The following PAX8 variants were observed in gnomAD, a reference collection of about 807,000 sequenced individuals.
The protein encoded by PAX8 is paired box 8, also known as paired box protein Pax-8.
PAX8 carries 15 observed loss-of-function variants against 52.4 expected under a neutral mutation model. The ratio of observed to expected loss-of-function variants is 0.29; its 90% CI spans 0.19 to 0.44. PAX8 has a LOEUF of 0.44. PAX8 is among the 20% of genes least tolerant of loss of function. The probability of loss-of-function intolerance (pLI) is 1.00; values close to 1 mark genes in which losing one functional copy is unlikely to be tolerated. For synonymous variants in PAX8, 284 were observed against 249.7 expected (o/e 1.14, Z -1.29); for missense variants, 554 against 602.5 (o/e 0.92, Z 0.84).
intron 2 of PAX8, among the ~76,000 whole-genome samples, chr2:113,262,712 G>T (rs943638055): frequency 6.6e-6 from 1 of 152,188 alleles, no homozygotes; most frequent in Non-Finnish European, 1.5e-5. Context: ...TTTGGATACA[G>T]AGATAAAGTG....
At chr2:113,269,665 A>G (rs1025470030) in intron 2 of PAX8, 6 of 152,240 alleles carry the variant, frequency 3.9e-5, no homozygotes, top group Admixed American at 3.9e-4. Context: ...ATTATTACCC[A>G]AAGTAGAAAA....
rs1558704390 is a variant in PAX8 at position 113,236,840 on chromosome 2, G to GGAGAGGTCCTCATCT, written c.778-120_778-119insAGATGAGGACCTCTC. On this transcript the variant is annotated intron_variant, in intron 7 of 11. Transcript: ENST00000429538. The stretch of plus-strand genomic sequence containing the variant: ...CATCTCCCCAGGAGAGGTCCTCATC[G>GGAGAGGTCCTCATCT]CCCCCTTCTTCCTTTACGTTCTCAA... 566 of 1,133,288 alleles carry GGAGAGGTCCTCATCT rather than the reference G, an allele frequency of 5.0e-4. 4 individuals are homozygous for GGAGAGGTCCTCATCT. Among genetic ancestry groups the GGAGAGGTCCTCATCT allele is most frequent in the Non-Finnish European group, 1.0e-4 (82 of 817,310 alleles). The allele number at this position is 1,133,288 out of a possible 1,614,324, so 70.2% of individuals were successfully genotyped here.
chr2:113,246,671 G>T, intron 3 of PAX8, 83 bp downstream of exon 3: 6 of 1,459,898 alleles, frequency 4.1e-6, no homozygotes, highest in Non-Finnish European at 5.7e-6. Flanking sequence ...TTCCCTGGGA[G>T]GGGAATTCTC....
chr2:113,261,586 C>G (rs967591694), intron 2 of PAX8, among the ~76,000 whole-genome samples: 1 of 152,172 alleles, frequency 6.6e-6, no homozygotes, highest in African/African-American at 2.4e-5. Flanking sequence ...GGCAGAGTTG[C>G]AAGGCACACT....
chr2:113,226,169 T>C, intron 10 of PAX8: 1 of 984,956 alleles, frequency 1.0e-6, no homozygotes, highest in Non-Finnish European at 1.2e-6. Context: ...GTGCCCAGAG[T>C]GGGTGGCTGG....
At chr2:113,234,032 T>C (rs1242643040) in intron 9 of PAX8, among the ~76,000 whole-genome samples, 1 of 152,088 alleles carries the variant, frequency 6.6e-6, no homozygotes, top group African/African-American at 2.4e-5. Context: ...GTGTGGGAGG[T>C]GAAGAGGCAT....
At chr2:113,230,353 T>C (rs1293388522) in intron 9 of PAX8, among the ~76,000 whole-genome samples, 9 of 152,002 alleles carry the variant, frequency 5.9e-5, no homozygotes, top group African/African-American at 2.2e-4. Context: ...GCAGGCAGAG[T>C]TCCAGGGCAT....
chr2:113,259,525 T>A (rs1394570338), intron 2 of PAX8: 1 of 152,650 alleles, frequency 6.6e-6, no homozygotes, highest in Non-Finnish European at 1.5e-5. Context: ...AGAGCAGTGC[T>A]TTCCTCCTCC....
intron 2 of PAX8, among the ~76,000 whole-genome samples, chr2:113,251,701 T>C (rs149947982): frequency 1.0e-3 from 152 of 152,314 alleles, no homozygotes; most frequent in African/African-American, 3.4e-3. Flanking sequence ...TTCTTCATCC[T>C]TTATAGAGCT....
chr2:113,217,789 C>T lies in PAX8; in HGVS notation c.*744G>A, dbSNP rs576682095. On this transcript the variant is annotated 3_prime_UTR_variant, in exon 12 of 12. Transcript: ENST00000429538. ...CCTGTGGAATGTCTGTTTTAAGCTC[C>T]CTGGGGCTGGCCTGGCTGACGGCAG... is the stretch of plus-strand genomic sequence containing the variant. 4.3e-6 allele frequency: 1 copy of T among 233,550 alleles called. No individual in the cohort carries two copies. Among genetic ancestry groups the T allele is most frequent in the African/African-American group, 2.2e-5 (1 of 45,436 alleles). The allele number at this position is 233,550 out of a possible 1,614,324, so 14.5% of individuals were successfully genotyped here.
intron 11 of PAX8, among the ~76,000 whole-genome samples, chr2:113,218,835 C>T (rs886847195): frequency 6.6e-6 from 1 of 152,182 alleles, no homozygotes; most frequent in African/African-American, 2.4e-5. Context: ...CTTGCCCCTT[C>T]CCCCTATGGC....
intron 7 of PAX8, chr2:113,240,357 A>G (rs956564837): frequency 1.3e-5 from 2 of 152,298 alleles, no homozygotes; most frequent in Non-Finnish European, 2.9e-5. Context: ...AGCAGCCCAG[A>G]CGGTCACTGG....
At chr2:113,256,583 C>T (rs909517390) in intron 2 of PAX8, among the ~76,000 whole-genome samples, 2 of 148,694 alleles carry the variant, frequency 1.3e-5, no homozygotes, top group Non-Finnish European at 3.0e-5. Flanking sequence ...TATATATATA[C>T]ATATTCCATA....
Position 113,218,369 on chromosome 2 carries a change from G to C in PAX8, c.*164C>G, listed in dbSNP as rs559241804. 6.2e-6 allele frequency: 3 copies of C among 480,952 alleles called. No individual in the cohort carries two copies. The highest frequency in any genetic ancestry group is 5.9e-5 in the African/African-American group (3 of 50,828). 29.8% of individuals were successfully genotyped at this position (480,952 alleles called of 1,614,324 possible). On this transcript the variant is annotated 3_prime_UTR_variant, in exon 12 of 12. Transcript: ENST00000429538. Reference sequence around the variant, plus strand: ...GTTTGGCCTTGTCCAAGGTCATCCTGTCTTTCATGGTTCATTAAATTAACC... The same window carrying C: ...GTTTGGCCTTGTCCAAGGTCATCCTCTCTTTCATGGTTCATTAAATTAACC...
At chr2:113,250,618 G>A (rs1691688049) in intron 2 of PAX8, 1 of 152,218 alleles carries the variant, frequency 6.6e-6, no homozygotes, top group Admixed American at 6.5e-5. Context: ...CACTGGTTTA[G>A]GCCAGGTGAT....
chr2:113,236,719 G>A lies in PAX8; in HGVS notation c.780C>T (p.Gly260=), dbSNP rs202100430. 5.1e-6 allele frequency: 8 copies of A among 1,561,176 alleles called. No homozygotes were observed. Among genetic ancestry groups the A allele is most frequent in the Non-Finnish European group, 6.9e-6 (8 of 1,153,802 alleles). Residue 260 remains glycine (G), a splice_region_variant and synonymous_variant, in exon 8 of 12, where the codon GGC becomes GGT. Coordinates refer to ENST00000429538, the MANE Select transcript of PAX8 (RefSeq NM_003466.4). ...TGTTGAGCAAGGGCAGCGGGTAGAG[G>A]CCCTGGGGAGCAAAGAGAAGTCAGC... The part of the protein sequence containing the change: ...ASPSHTKGEQ[G]LYPLPLLNST...
chr2:113,242,556 A>C, intron 5 of PAX8, 134 bp downstream of exon 5: 2 of 765,256 alleles, frequency 2.6e-6, no homozygotes, highest in South Asian at 2.8e-5. Context: ...CAGTCTACAC[A>C]TGGGTTTGTG....
intron 9 of PAX8, among the ~76,000 whole-genome samples, chr2:113,234,761 ACCTGCCTCGG>A (rs1218678093): frequency 1.3e-5 from 2 of 151,806 alleles, no homozygotes; most frequent in South Asian, 4.2e-4. Flanking sequence ...CTTGTGATCC[ACCTGCCTCGG>A]CCTCCCAAAC....
intron 9 of PAX8, among the ~76,000 whole-genome samples, chr2:113,228,842 G>A (rs1268192697): frequency 6.6e-6 from 1 of 152,184 alleles, no homozygotes; most frequent in Non-Finnish European, 1.5e-5. Flanking sequence ...TTCAAGGGGT[G>A]CCTGGTCATG....
Sources: gnomAD v4.1 joint callset for allele counts (sites outside exome capture counted in the v4.1 genomes callset) on GRCh38, gnomAD v4.1.1 for gene constraint, MANE v1.5 for transcripts, NCBI Gene and HGNC (gene_info 2026-07-23, HGNC 2026-07-21) for gene names.